The following MDGA2 variants were observed in gnomAD, a reference collection of about 807,000 sequenced individuals.
The protein encoded by MDGA2 is MAM domain containing glycosylphosphatidylinositol anchor 2.
A neutral mutation model predicts 117.8 loss-of-function variants in MDGA2; 40 were observed. The observed-to-expected ratio is 0.34, with a 90% CI of 0.26 to 0.44. The LOEUF (loss-of-function observed/expected upper bound fraction) is 0.44, where lower values mean the gene tolerates loss of function less well. MDGA2 is among the 20% of genes least tolerant of loss of function. The probability of loss-of-function intolerance (pLI) is 1.00; values close to 1 mark genes in which losing one functional copy is unlikely to be tolerated. For synonymous variants in MDGA2, 452 were observed against 439.0 expected, an observed-to-expected ratio of 1.03 and a Z score of -0.37; for missense variants, 1,123 against 1,250.6, an observed-to-expected ratio of 0.90 and a Z score of 1.54.
At chr14:47,319,341 G>A (rs984857316) in intron 1 of MDGA2, among the ~76,000 whole-genome samples, 9 of 152,088 alleles carry the variant, frequency 5.9e-5, no homozygotes, top group South Asian at 2.1e-4. Flanking sequence ...GTTGTAAAAC[G>A]TCTATTATAA....
intron 8 of MDGA2, among the ~76,000 whole-genome samples, chr14:46,973,390 C>T (rs757347264): frequency 2.6e-5 from 4 of 152,126 alleles, no homozygotes; most frequent in Non-Finnish European, 5.9e-5. Context: ...CATCAACTTA[C>T]ATTTTAATAC....
chr14:47,092,698 T>C (rs1454180339), intron 6 of MDGA2, among the ~76,000 whole-genome samples: 3 of 152,094 alleles, frequency 2.0e-5, no homozygotes, highest in African/African-American at 7.2e-5. Context: ...ACAGAGGTAG[T>C]ACACTGAAAT....
intron 3 of MDGA2, among the ~76,000 whole-genome samples, chr14:47,156,262 C>T (rs1369887138): frequency 6.6e-6 from 1 of 152,102 alleles, no homozygotes; most frequent in African/African-American, 2.4e-5. Context: ...TTCATTTAAG[C>T]TTCTAGGATT....
chr14:47,553,004 C>T (rs1166916342), intron 1 of MDGA2, among the ~76,000 whole-genome samples: 2 of 152,186 alleles, frequency 1.3e-5, no homozygotes, highest in African/African-American at 4.8e-5. Context: ...CACTCATCAA[C>T]CTATTTTAAA....
chr14:47,474,715 G>A (rs554235749), intron 1 of MDGA2, among the ~76,000 whole-genome samples: 77 of 152,194 alleles, frequency 5.1e-4, no homozygotes, highest in African/African-American at 1.8e-3. Flanking sequence ...CGACAACCCT[G>A]ACAAAAACAA....
intron 2 of MDGA2, among the ~76,000 whole-genome samples, chr14:47,278,240 G>T (rs562522015): frequency 2.0e-5 from 3 of 152,088 alleles, no homozygotes; most frequent in Non-Finnish European, 2.9e-5. Flanking sequence ...TAAAGTAAGA[G>T]TAGTAAAAAG....
intron 1 of MDGA2, among the ~76,000 whole-genome samples, chr14:47,642,000 G>T (rs1426444182): frequency 6.6e-6 from 1 of 152,100 alleles, no homozygotes; most frequent in East Asian, 1.9e-4. Flanking sequence ...AATGGGAACT[G>T]GGTGTTACAG....
rs143011653 is a variant in MDGA2, at chr14:47,607,080, G to C, written c.280+67437C>G. On this transcript the variant is annotated intron_variant, in intron 1 of 16. Transcript: ENST00000399232. ...ATTATTTGGTCAATGACTAGCAAGA[G>C]TCAAATTACTTTGAAAGTTAAGATT... 3.8e-4 allele frequency among the ~76,000 whole-genome samples: 58 copies of C among 152,248 alleles called. 3 individuals are homozygous for C. Among genetic ancestry groups the C allele is most frequent in the African/African-American group, 1.3e-3 (54 of 41,562 alleles).
intron 1 of MDGA2, among the ~76,000 whole-genome samples, chr14:47,525,198 T>C (rs938392496): frequency 1.3e-5 from 2 of 152,186 alleles, no homozygotes; most frequent in East Asian, 1.9e-4. Flanking sequence ...CACTCGAAAT[T>C]TTTTAAGACT....
intron 1 of MDGA2, among the ~76,000 whole-genome samples, chr14:47,638,438 A>G (rs887748394): frequency 3.9e-5 from 6 of 152,302 alleles, no homozygotes; most frequent in South Asian, 2.1e-4. Context: ...CATTAAATGT[A>G]TACCATGTGC....
Position 46,968,206 on chromosome 14 carries a change from C to T in MDGA2, c.1820-10563G>A, listed in dbSNP as rs1262361393. Among the ~76,000 whole-genome samples the T allele has an allele frequency of 2.6e-5, 4 of 152,146 alleles. No individual in the cohort carries two copies. The East Asian group carries it at 7.7e-4, about 29-fold the overall frequency. On this transcript the variant is annotated intron_variant, in intron 8 of 16. Coordinates refer to ENST00000399232, the MANE Select transcript of MDGA2 (RefSeq NM_001113498.3). Reference sequence around the variant, plus strand: ...AAGACAAATCTCCCTGATGCTGATGCTGCAGGCTATTATGGGACCAAGACA... The same window carrying T: ...AAGACAAATCTCCCTGATGCTGATGTTGCAGGCTATTATGGGACCAAGACA...
intron 1 of MDGA2, among the ~76,000 whole-genome samples, chr14:47,335,734 T>TATATATATATATATATA (rs1555374518): frequency 3.8e-4 from 18 of 47,998 alleles, no homozygotes; most frequent in African/African-American, 5.9e-4. Flanking sequence ...CACATATATT[T>TATATATATATATATATA]TATATATATA....
At chr14:47,389,636 A>C (rs1891847494) in intron 1 of MDGA2, among the ~76,000 whole-genome samples, 1 of 146,268 alleles carries the variant, frequency 6.8e-6, no homozygotes, top group Non-Finnish European at 1.5e-5. Flanking sequence ...ACACACACAC[A>C]CACTTCAGAA....
At chr14:47,211,418 T>C (rs542549138) in intron 3 of MDGA2, among the ~76,000 whole-genome samples, 1 of 152,256 alleles carries the variant, frequency 6.6e-6, no homozygotes, top group Non-Finnish European at 1.5e-5. Flanking sequence ...CCTGTCTTCA[T>C]AGGTTTTCCC....
chr14:47,146,965 T>C (rs1183715272), intron 3 of MDGA2, among the ~76,000 whole-genome samples: 2 of 152,170 alleles, frequency 1.3e-5, no homozygotes, highest in African/African-American at 2.4e-5. Flanking sequence ...GCTTATAGTA[T>C]TGGCTAGGTT....
chr14:46,963,076 C>T (rs1196554208), intron 8 of MDGA2, among the ~76,000 whole-genome samples: 1 of 152,004 alleles, frequency 6.6e-6, no homozygotes, highest in African/African-American at 2.4e-5. Flanking sequence ...TATAGTGAAG[C>T]ATTTTTTCTG....
chr14:47,577,229 T>C (rs1896132426), intron 1 of MDGA2, among the ~76,000 whole-genome samples: 1 of 152,146 alleles, frequency 6.6e-6, no homozygotes, highest in Non-Finnish European at 1.5e-5. Context: ...GCTAGCTATA[T>C]GCAGAAAATT....
At chr14:47,590,979 T>C (rs1313531941) in intron 1 of MDGA2, among the ~76,000 whole-genome samples, 1 of 151,986 alleles carries the variant, frequency 6.6e-6, no homozygotes, top group Non-Finnish European at 1.5e-5. Context: ...CAAATAATGA[T>C]GAATTGTTAG....
chr14:47,533,874 G>T (rs980094528), intron 1 of MDGA2, among the ~76,000 whole-genome samples: 1 of 152,108 alleles, frequency 6.6e-6, no homozygotes, highest in Non-Finnish European at 1.5e-5. Flanking sequence ...TTATTATATT[G>T]TTATTTGATT....
Sources: gnomAD v4.1 joint callset for allele counts (sites outside exome capture counted in the v4.1 genomes callset) on GRCh38, gnomAD v4.1.1 for gene constraint, MANE v1.5 for transcripts, NCBI Gene and HGNC (gene_info 2026-07-23, HGNC 2026-07-21) for gene names.